CHST8: variants seen among roughly 807,000 people sequenced by gnomAD.
CHST8 encodes the protein GALNAC-4-ST1.
In CHST8, 10 loss-of-function variants were observed where a neutral mutation model predicts 15.0. The observed-to-expected ratio is 0.67, with a 90% CI of 0.41 to 1.13. CHST8 has a LOEUF of 1.13. Among genes scored for constraint, CHST8 ranks in the 50% most tolerant of loss-of-function variants. The probability of loss-of-function intolerance (pLI) is 0.00; values close to 1 mark genes in which losing one functional copy is unlikely to be tolerated. For synonymous variants in CHST8, 259 were observed against 256.6 expected (o/e 1.01, Z -0.09); for missense variants, 634 against 608.2 (o/e 1.04, Z -0.45).
chr19:33,641,816 T>C (rs1163344755), intron 1 of CHST8, among the ~76,000 whole-genome samples: 1 of 152,084 alleles, frequency 6.6e-6, no homozygotes, highest in Non-Finnish European at 1.5e-5. Flanking sequence ...CAGAAAGGGA[T>C]GAGGGTTTCC....
intron 3 of CHST8, among the ~76,000 whole-genome samples, chr19:33,726,380 G>A (rs990494154): frequency 6.6e-6 from 1 of 152,038 alleles, no homozygotes; most frequent in African/African-American, 2.4e-5. Flanking sequence ...GGGCAATATA[G>A]CGAGACCCCG....
chr19:33,698,719 T>G (rs1973271806), intron 3 of CHST8, among the ~76,000 whole-genome samples: 1 of 152,074 alleles, frequency 6.6e-6, no homozygotes, highest in Non-Finnish European at 1.5e-5. Flanking sequence ...CATTTGGGGC[T>G]TATGGTGTCT....
intron 1 of CHST8, among the ~76,000 whole-genome samples, chr19:33,633,477 G>T (rs977440468): frequency 2.0e-5 from 3 of 151,970 alleles, no homozygotes; most frequent in African/African-American, 4.8e-5. Context: ...CTGCAGCCTT[G>T]AACTCCTGGG....
rs575632376 is a variant in CHST8, at chr19:33,662,968, G to A, written c.-163-4799G>A. On this transcript the variant is annotated intron_variant, in intron 1 of 4. Transcript: ENST00000650847. ...TTTCAAAGACTGCTTTGCATGGGGC[G>A]TGTAGAGTCATGGATCTTAGGGACT... Among the ~76,000 whole-genome samples the A allele has an allele frequency of 1.4e-4, 22 of 152,278 alleles. 2 individuals are homozygous for A. The South Asian group carries it at 3.9e-3, about 27-fold the overall frequency.
At chr19:33,751,984 G>A (rs1391107693) in intron 3 of CHST8, among the ~76,000 whole-genome samples, 4 of 152,194 alleles carry the variant, frequency 2.6e-5, no homozygotes, top group Admixed American at 1.3e-4. Context: ...TCTGGGCAGC[G>A]GAGGGGCCCT....
intron 3 of CHST8, among the ~76,000 whole-genome samples, chr19:33,757,431 A>AG (rs1568358304): frequency 1.2e-4 from 2 of 16,864 alleles, no homozygotes; most frequent in Non-Finnish European, 1.2e-4. Context: ...AGAAAGAAAG[A>AG]AAGAAAGAAA....
At chr19:33,756,965 G>T (rs983285372) in intron 3 of CHST8, among the ~76,000 whole-genome samples, 2 of 152,182 alleles carry the variant, frequency 1.3e-5, no homozygotes, top group African/African-American at 4.8e-5. Flanking sequence ...GCCCCGTCTG[G>T]CATGGCTGTG....
intron 1 of CHST8, among the ~76,000 whole-genome samples, chr19:33,657,126 T>TACACACAC (rs530334678): frequency 4.7e-5 from 6 of 127,902 alleles, no homozygotes; most frequent in Non-Finnish European, 8.6e-5. Flanking sequence ...TTTGCTTTAT[T>TACACACAC]ACACACACAC....
At chr19:33,756,387 G>A (rs1360011368) in intron 3 of CHST8, among the ~76,000 whole-genome samples, 2 of 152,152 alleles carry the variant, frequency 1.3e-5, no homozygotes, top group African/African-American at 4.8e-5. Context: ...GCCCAGATCT[G>A]GCTAATGGAC....
At chr19:33,745,631 A>G (rs1189446393) in intron 3 of CHST8, among the ~76,000 whole-genome samples, 1 of 152,212 alleles carries the variant, frequency 6.6e-6, no homozygotes, top group African/African-American at 2.4e-5. Flanking sequence ...CAACACCTGT[A>G]AGGGAACGAA....
chr19:33,753,517 C>T (rs181340714), intron 3 of CHST8, among the ~76,000 whole-genome samples: 105 of 96,702 alleles, frequency 1.1e-3, no homozygotes, highest in Middle Eastern at 4.6e-3. Flanking sequence ...CTCCACCATC[C>T]CCCATCTCCT....
At chr19:33,653,034 A>G (rs1972469289) in intron 1 of CHST8, among the ~76,000 whole-genome samples, 1 of 152,186 alleles carries the variant, frequency 6.6e-6, no homozygotes, top group African/African-American at 2.4e-5. Flanking sequence ...ATTTTAAAAA[A>G]TCATTATTAC....
rs200630323 is a variant in CHST8 at position 33,632,125 on chromosome 19, GTC to G, written c.-164+9843_-164+9844del. Reference sequence around the variant, plus strand: ...CTCAAGTTCTGCTTTTTCTTTTCTTGTCTCTCTCTCTCTCTTTTTTTTTTTTT... The same window carrying G: ...CTCAAGTTCTGCTTTTTCTTTTCTTGTCTCTCTCTCTCTTTTTTTTTTTTT... On this transcript the variant is annotated intron_variant, in intron 1 of 4. Transcript: ENST00000650847. 2.2e-3 allele frequency among the ~76,000 whole-genome samples: 333 copies of G among 148,578 alleles called. 14 individuals are homozygous for G. The highest frequency in any genetic ancestry group is 3.4e-3 in the East Asian group (17 of 5,060).
chr19:33,749,903 G>C (rs550489017), intron 3 of CHST8, among the ~76,000 whole-genome samples: 6 of 152,200 alleles, frequency 3.9e-5, no homozygotes, highest in Non-Finnish European at 8.8e-5. Flanking sequence ...GGCCCTCATC[G>C]TGCAGCAGCC....
At chr19:33,747,292 T>C (rs1974332345) in intron 3 of CHST8, among the ~76,000 whole-genome samples, 1 of 152,166 alleles carries the variant, frequency 6.6e-6, no homozygotes, top group African/African-American at 2.4e-5. Context: ...GACAGCTAAT[T>C]GCTCACAGCT....
chr19:33,688,362 C>G (rs1973026976), intron 2 of CHST8, among the ~76,000 whole-genome samples: 1 of 152,196 alleles, frequency 6.6e-6, no homozygotes, highest in African/African-American at 2.4e-5. Flanking sequence ...TACTCTGGGT[C>G]TGCAGTGGCT....
At position 33,703,034 on chromosome 19, in the gene CHST8, T is replaced by C. The variant is rs146121728; in HGVS notation, c.130+13643T>C. Among the ~76,000 whole-genome samples, 6 of 152,284 alleles carry C rather than the reference T, an allele frequency of 3.9e-5. No individual in the cohort carries two copies. The East Asian group carries it at 1.2e-3, about 30-fold the overall frequency. On this transcript the variant is annotated intron_variant, in intron 3 of 4. Coordinates refer to ENST00000650847, the MANE Select transcript of CHST8 (RefSeq NM_001127895.2). ...GTTCCCATTCACTGCCTGAGCATCT[T>C]CAGTGAGAGTCACCTGGCATCAGAG...
At position 33,723,609 on chromosome 19, in the gene CHST8, A is replaced by T. The variant is rs117658250; in HGVS notation, c.130+34218A>T. On this transcript the variant is annotated intron_variant, in intron 3 of 4. Coordinates refer to ENST00000650847, the MANE Select transcript of CHST8 (RefSeq NM_001127895.2). ...CATCCCCCTTCCTGCTGGAGAAAGCAGGTGCCTGTAGAAGGAAGGCAGTCT... is the reference window on the plus strand; with the variant it reads ...CATCCCCCTTCCTGCTGGAGAAAGCTGGTGCCTGTAGAAGGAAGGCAGTCT... 7.0e-3 allele frequency among the ~76,000 whole-genome samples: 1,063 copies of T among 152,328 alleles called. 7 individuals are homozygous for T. The highest frequency in any genetic ancestry group is 0.012 in the Non-Finnish European group (804 of 68,032).
chr19:33,728,515 C>T (rs1311654554), intron 3 of CHST8, among the ~76,000 whole-genome samples: 3 of 152,252 alleles, frequency 2.0e-5, no homozygotes, highest in Non-Finnish European at 4.4e-5. Flanking sequence ...AAAAGGGGCA[C>T]ATTCAGCCAA....
Sources: allele counts gnomAD v4.1 joint callset (sites outside exome capture counted in the v4.1 genomes callset), GRCh38; gene constraint gnomAD v4.1.1; transcripts MANE v1.5; gene names NCBI Gene and HGNC (gene_info 2026-07-23, HGNC 2026-07-21).